C10orf90: variants seen among roughly 807,000 people sequenced by gnomAD.
C10orf90 encodes chromosome 10 open reading frame 90.
Under a neutral mutation model 62.5 loss-of-function variants are expected in C10orf90, and 56 were observed. The observed-to-expected ratio is 0.90, with a 90% confidence interval of 0.72 to 1.12. The LOEUF (loss-of-function observed/expected upper bound fraction) is 1.12, where lower values mean the gene tolerates loss of function less well. Among genes scored for constraint, C10orf90 ranks in the 50% most tolerant of loss-of-function variants. The pLI is 0.00. For synonymous variants in C10orf90, 386 were observed against 340.4 expected, an observed-to-expected ratio of 1.13 and a Z score of -1.47; for missense variants, 970 against 880.4, an observed-to-expected ratio of 1.10 and a Z score of -1.29.
intron 2 of C10orf90, among the ~76,000 whole-genome samples, chr10:126,625,083 G>A (rs973478331): frequency 6.6e-6 from 1 of 152,184 alleles, no homozygotes; most frequent in Non-Finnish European, 1.5e-5. Context: ...GCTGAAGAGA[G>A]AGCCTGATGG....
Position 126,590,290 on chromosome 10 carries a change from G to T in C10orf90, c.313+56275C>A, listed in dbSNP as rs535036746. Among the ~76,000 whole-genome samples the T allele has an allele frequency of 2.2e-4, 34 of 152,108 alleles. No individual in the cohort carries two copies. In the East Asian group the frequency reaches 5.0e-3, roughly 23 times the overall value. On this transcript the variant is annotated intron_variant, in intron 2 of 9. Transcript: ENST00000488181. ...ATATTAGACAGATCACCAAGACAGA[G>T]AATTAGCAAAAATATTCAGGACCTG...
intron 2 of C10orf90, among the ~76,000 whole-genome samples, chr10:126,583,236 G>A (rs945108154): frequency 6.6e-6 from 1 of 152,216 alleles, no homozygotes; most frequent in African/African-American, 2.4e-5. Context: ...TGGTGTGTAT[G>A]TGCACATATG....
chr10:126,567,268 CG>C (rs1390390681), intron 2 of C10orf90, among the ~76,000 whole-genome samples: 1 of 152,110 alleles, frequency 6.6e-6, no homozygotes, highest in African/African-American at 2.4e-5. Context: ...TAGTGAAAGG[CG>C]AAGGGCAAGC....
chr10:126,599,730 T>C (rs1333998354), intron 2 of C10orf90, among the ~76,000 whole-genome samples: 1 of 152,136 alleles, frequency 6.6e-6, no homozygotes, highest in Non-Finnish European at 1.5e-5. Context: ...TTCCAATTGT[T>C]AATATTAATT....
intron 2 of C10orf90, among the ~76,000 whole-genome samples, chr10:126,527,167 G>T (rs1298447434): frequency 2.0e-5 from 3 of 152,128 alleles, no homozygotes; most frequent in Non-Finnish European, 4.4e-5. Context: ...GTACCATTTT[G>T]CATTCCCACC....
chr10:126,653,274 G>A (rs1846326891), intron 1 of C10orf90, among the ~76,000 whole-genome samples: 1 of 152,176 alleles, frequency 6.6e-6, no homozygotes, highest in Admixed American at 6.5e-5. Flanking sequence ...AGCATGTGAA[G>A]TTGTTTGGAG....
rs73384985 is a variant in C10orf90 at position 126,583,826 on chromosome 10, A to G, written c.313+62739T>C. 6.0e-3 allele frequency among the ~76,000 whole-genome samples: 908 copies of G among 152,332 alleles called. 8 individuals carry two copies. The highest frequency in any genetic ancestry group is 0.021 in the African/African-American group (862 of 41,572). On this transcript the variant is annotated intron_variant, in intron 2 of 9. Coordinates refer to ENST00000488181, the MANE Select transcript of C10orf90 (RefSeq NM_001350921.2). ...GATAAACAAAACTGGATAAAAATTC[A>G]GTGCTCTTGCTGGGTGCGGTGGCTT... is the stretch of plus-strand genomic sequence containing the variant.
intron 2 of C10orf90, among the ~76,000 whole-genome samples, chr10:126,637,042 T>G (rs1845965459): frequency 6.6e-6 from 1 of 152,028 alleles, no homozygotes; most frequent in African/African-American, 2.4e-5. Context: ...AATAAGGAAG[T>G]CGAAACAAAT....
chr10:126,435,306 ATC>A (rs1167915713), intron 7 of C10orf90, among the ~76,000 whole-genome samples: 4 of 152,204 alleles, frequency 2.6e-5, no homozygotes, highest in African/African-American at 4.8e-5. Flanking sequence ...CTCCAGAAAA[ATC>A]TGTTTCCTTT....
At chr10:126,509,981 T>C (rs1226883869) in intron 3 of C10orf90, among the ~76,000 whole-genome samples, 1 of 152,224 alleles carries the variant, frequency 6.6e-6, no homozygotes, top group African/African-American at 2.4e-5. Flanking sequence ...TGGTTTCTTC[T>C]GAGGCCACTC....
At chr10:126,558,990 G>A (rs1467536234) in intron 2 of C10orf90, among the ~76,000 whole-genome samples, 1 of 152,230 alleles carries the variant, frequency 6.6e-6, no homozygotes, top group South Asian at 2.1e-4. Context: ...TGAGAAGCCA[G>A]TACCCTGAAC....
intron 2 of C10orf90, among the ~76,000 whole-genome samples, chr10:126,621,917 G>A (rs1214866327): frequency 6.6e-6 from 1 of 152,070 alleles, no homozygotes; most frequent in Non-Finnish European, 1.5e-5. Context: ...CATGGTCTTT[G>A]AACATGCTGT....
At chr10:126,585,010 G>T (rs529634469) in intron 2 of C10orf90, among the ~76,000 whole-genome samples, 1 of 152,030 alleles carries the variant, frequency 6.6e-6, no homozygotes, top group Non-Finnish European at 1.5e-5. Flanking sequence ...CTAAGCAGGA[G>T]AGCTACCGTG....
At position 126,504,161 on chromosome 10, in the gene C10orf90, T is replaced by C. The variant is rs1862567935; in HGVS notation, c.1330A>G (p.Thr444Ala). The change falls in exon 4 of 10, where the codon ACC (threonine) becomes GCC (alanine). Residue 444 changes from threonine to alanine, a missense_variant. Physicochemically the swap from Thr to Ala is moderately conservative, Grantham distance 58. Transcript: ENST00000488181. This position sits in a 1 kb window ranked among gnomAD's most constrained non-coding sequence, Gnocchi z 4.1. The part of the protein sequence containing the change: ...PGLQESHLKE[T>A]PSLRRVHLGT... ...AAATGCACCCGCCTCAACGATGGGGTTTCCTTCAAGTGACTTTCTTGTAAA... is the reference window on the plus strand; with the variant it reads ...AAATGCACCCGCCTCAACGATGGGGCTTCCTTCAAGTGACTTTCTTGTAAA... 1.2e-6 allele frequency: 2 copies of C among 1,613,264 alleles called. No homozygotes were observed. Among genetic ancestry groups the C allele is most frequent in the African/African-American group, 1.3e-5 (1 of 74,626 alleles).
intron 5 of C10orf90, among the ~76,000 whole-genome samples, chr10:126,462,471 C>A (rs1425543556): frequency 6.6e-6 from 1 of 152,188 alleles, no homozygotes; most frequent in Non-Finnish European, 1.5e-5. Flanking sequence ...AGTCTCCCTC[C>A]CCTTCCCAAG....
intron 2 of C10orf90, among the ~76,000 whole-genome samples, chr10:126,635,528 G>C (rs1845933856): frequency 6.6e-6 from 1 of 152,250 alleles, no homozygotes; most frequent in East Asian, 1.9e-4. Flanking sequence ...CCCGTCTCTG[G>C]GTTAAAAAGG....
At chr10:126,573,630 AC>A (rs780410207) in intron 2 of C10orf90, among the ~76,000 whole-genome samples, 1 of 152,084 alleles carries the variant, frequency 6.6e-6, no homozygotes, top group Non-Finnish European at 1.5e-5. Flanking sequence ...ACACTTCTGT[AC>A]TTTGCCCCTG....
intron 8 of C10orf90, among the ~76,000 whole-genome samples, chr10:126,426,713 C>G (rs1385132605): frequency 6.6e-6 from 1 of 152,174 alleles, no homozygotes; most frequent in African/African-American, 2.4e-5. Context: ...TCATTATAAT[C>G]CACTGACACA....
At chr10:126,626,172 G>T (rs1219712899) in intron 2 of C10orf90, among the ~76,000 whole-genome samples, 2 of 149,690 alleles carry the variant, frequency 1.3e-5, no homozygotes, top group African/African-American at 2.5e-5. Context: ...AGACACCGTT[G>T]ATTTCCTGGT....
Sources: gnomAD v4.1 joint callset for allele counts (sites outside exome capture counted in the v4.1 genomes callset) on GRCh38, gnomAD v4.1.1 for gene constraint, Gnocchi (gnomAD v3.1) non-coding constraint, MANE v1.5 for transcripts, NCBI Gene and HGNC (gene_info 2026-07-23, HGNC 2026-07-21) for gene names.